The following PPP6C variants were observed in gnomAD, a reference collection of about 807,000 sequenced individuals.
PPP6C encodes the protein protein phosphatase 6 catalytic subunit.
In PPP6C, 11 loss-of-function variants were observed where a neutral mutation model predicts 39.8. That is an observed-to-expected ratio of 0.28 (90% CI 0.17 to 0.46). The LOEUF is 0.46. Among genes scored for constraint, PPP6C ranks in the 20% least tolerant of loss-of-function variants. The pLI is 1.00. For synonymous variants in PPP6C, 129 were observed against 130.3 expected (o/e 0.99, Z 0.07); for missense variants, 211 against 373.9 (o/e 0.56, Z 3.59).
intron 2 of PPP6C, among the ~76,000 whole-genome samples, chr9:125,164,782 A>C (rs1828976943): frequency 6.6e-6 from 1 of 152,084 alleles, no homozygotes; most frequent in African/African-American, 2.4e-5. Context: ...TCTGTCACCC[A>C]GACTGGAGTG....
chr9:125,165,004 T>C (rs544494490), intron 2 of PPP6C, among the ~76,000 whole-genome samples: 7 of 152,286 alleles, frequency 4.6e-5, no homozygotes, highest in African/African-American at 1.2e-4. Context: ...CCCACAGTGC[T>C]GGGATTACAG....
At chr9:125,170,135 C>G (rs1829113675) in intron 2 of PPP6C, among the ~76,000 whole-genome samples, 1 of 152,104 alleles carries the variant, frequency 6.6e-6, no homozygotes, top group Non-Finnish European at 1.5e-5. Context: ...GTAATCTGTT[C>G]AGCTTTCATT....
chr9:125,169,354 A>G (rs1829092327), intron 2 of PPP6C, among the ~76,000 whole-genome samples: 3 of 152,246 alleles, frequency 2.0e-5, no homozygotes, highest in African/African-American at 7.2e-5. Flanking sequence ...ATTTGACTGA[A>G]GGTATATATA....
chr9:125,171,091 A>G lies in PPP6C; in HGVS notation c.165T>C (p.His55=). ...TCTGCTCATGAAATTTTACCTGTCC[A>G]TGGATATCTCCACACACTGTTACTG... ...STPVTVCGDI[H]GQFYDLCELF... The change falls in exon 2 of 7, where the codon CAT becomes CAC. Residue 55 remains histidine (H), a synonymous_variant. Transcript: ENST00000373547. The G allele has an allele frequency of 1.3e-6, 2 of 1,577,608 alleles. No homozygotes were observed. Among genetic ancestry groups the G allele is most frequent in the Non-Finnish European group, 1.7e-6 (2 of 1,156,230 alleles).
At chr9:125,171,470 CACACACACATATATATATATATAT>C (rs1399415009) in intron 1 of PPP6C, among the ~76,000 whole-genome samples, 1 of 24,700 alleles carries the variant, frequency 4.0e-5, no homozygotes. Context: ...TACACACACA[CACACACACATATATATATATATAT>C]ATATATATAT....
At position 125,160,867 on chromosome 9, in the gene PPP6C, C is replaced by T; in HGVS notation, c.211G>A (p.Val71Ile). 1 of 1,594,578 alleles carries T rather than the reference C, an allele frequency of 6.3e-7. No individual in the cohort carries two copies. ...LCELFRTGGQVPDTNYIFMGD... is the reference protein window; with the variant it reads ...LCELFRTGGQIPDTNYIFMGD... Reference sequence around the variant, plus strand: ...ATAAATATGTAGTTTGTGTCAGGAACCTGACCTCCAGTTCTGAACAGTTCA... The same window carrying T: ...ATAAATATGTAGTTTGTGTCAGGAATCTGACCTCCAGTTCTGAACAGTTCA... Residue 71 changes from valine to isoleucine, a missense_variant, in exon 3 of 7, where the codon GTT becomes ATT. This residue lies in a region of PPP6C where 168 missense variants were observed against 342.6 expected (regional missense o/e 0.49). Coordinates refer to ENST00000373547, the MANE Select transcript of PPP6C (RefSeq NM_002721.5).
intron 1 of PPP6C, among the ~76,000 whole-genome samples, chr9:125,174,178 TAAC>T (rs1445603355): frequency 6.6e-6 from 1 of 152,074 alleles, no homozygotes; most frequent in Non-Finnish European, 1.5e-5. Context: ...GAAATTAAAC[TAAC>T]AAGCATAATG....
chr9:125,151,172 G>A (rs1026510125), intron 6 of PPP6C: 3 of 1,483,864 alleles, frequency 2.0e-6, no homozygotes, highest in Non-Finnish European at 2.8e-6. Flanking sequence ...GGAGCTAAGA[G>A]AGTGACCTCC....
At chr9:125,188,961 G>T (rs1033150818) in intron 1 of PPP6C, 1 of 1,544,312 alleles carries the variant, frequency 6.5e-7, no homozygotes, top group Non-Finnish European at 8.8e-7. Context: ...AGTTAAGAAG[G>T]GGTTAAGGAG....
chr9:125,158,286 C>G lies in PPP6C; in HGVS notation c.334G>C (p.Gly112Arg). Residue 112 changes from glycine to arginine, a missense_variant, in exon 4 of 7, where the codon GGA becomes CGA. By Grantham distance (125) the Gly-to-Arg change is moderately radical (BLOSUM62 -2). Around this residue, in one of 2 missense-constraint regions of PPP6C, gnomAD observed 168 missense variants for 342.6 expected, o/e 0.49. Coordinates refer to ENST00000373547, the MANE Select transcript of PPP6C (RefSeq NM_002721.5). ...GTTATCTGTCTACTCTCATGATTTC[C>G]TCGCAAAAGTGTAATACGATCAGGC... is the stretch of plus-strand genomic sequence containing the variant. ...KWPDRITLLR[G>R]NHESRQITQV... 6.2e-7 allele frequency: 1 copy of G among 1,611,632 alleles called. No homozygotes were observed. The highest frequency in any genetic ancestry group is 8.5e-7 in the Non-Finnish European group (1 of 1,177,820).
intron 6 of PPP6C, 132 bp from the exon 7 acceptor site, chr9:125,150,053 T>C: frequency 8.3e-7 from 1 of 1,206,076 alleles, no homozygotes; most frequent in Non-Finnish European, 1.1e-6. Flanking sequence ...TATAATTATC[T>C]CCAACAATTT....
In PPP6C at chr9:125,171,946, A is replaced by G. The variant is rs759240035; in HGVS notation, c.76-766T>C. ...CAACTGTAGTCTTGGCAATAAAAACATGTTCAAAATCTGTATATAAATACT... is the reference window on the plus strand; with the variant it reads ...CAACTGTAGTCTTGGCAATAAAAACGTGTTCAAAATCTGTATATAAATACT... On this transcript the variant is annotated intron_variant, in intron 1 of 6. Transcript: ENST00000373547. The G allele has an allele frequency of 4.1e-5, 19 of 467,488 alleles. 2 individuals are homozygous for G. Among genetic ancestry groups the G allele is most frequent in the South Asian group, 2.2e-4 (14 of 64,496 alleles). The allele number at this position is 467,488 out of a possible 1,614,324, so 29.0% of individuals were successfully genotyped here.
intron 1 of PPP6C, among the ~76,000 whole-genome samples, chr9:125,172,972 T>C (rs1157128827): frequency 6.6e-6 from 1 of 152,122 alleles, no homozygotes; most frequent in Non-Finnish European, 1.5e-5. Flanking sequence ...AATTATAAAA[T>C]TCAAATCTAA....
In PPP6C at chr9:125,166,255, T is replaced by C. The variant is rs1484341125; in HGVS notation, c.171+4830A>G. ...CTCATTTCATCTCAGGAAAGTCTTT[T>C]AAGTGTCGGAAACTGTTAGCCCCAT... On this transcript the variant is annotated intron_variant, in intron 2 of 6. Coordinates refer to ENST00000373547, the MANE Select transcript of PPP6C (RefSeq NM_002721.5). Among the ~76,000 whole-genome samples the C allele has an allele frequency of 5.3e-5, 8 of 152,350 alleles. No individual in the cohort carries two copies. In the East Asian group the frequency reaches 1.3e-3, roughly 26 times the overall value.
At chr9:125,183,312 T>C (rs769909664) in intron 1 of PPP6C, among the ~76,000 whole-genome samples, 2 of 152,160 alleles carry the variant, frequency 1.3e-5, no homozygotes, top group East Asian at 1.9e-4. Context: ...AAGCCTACTG[T>C]CATTCTCCTT....
chr9:125,167,987 T>C (rs1829063444), intron 2 of PPP6C, among the ~76,000 whole-genome samples: 3 of 152,130 alleles, frequency 2.0e-5, no homozygotes, highest in Admixed American at 6.5e-5. Flanking sequence ...TCTAAAGGAT[T>C]GAGAGTTAAG....
At chr9:125,150,011 T>A in intron 6 of PPP6C, 90 bp from the exon 7 acceptor site, 3 of 1,432,498 alleles carry the variant, frequency 2.1e-6, no homozygotes, top group Non-Finnish European at 2.8e-6. Flanking sequence ...ATCCTATTAC[T>A]ACTAAAGGCA....
rs1375534505 is a variant in PPP6C, at chr9:125,148,945, C to T, written c.*728G>A. The T allele has an allele frequency of 6.6e-6, 1 of 152,056 alleles. No individual in the cohort carries two copies. The highest frequency in any genetic ancestry group is 1.5e-5 in the Non-Finnish European group (1 of 68,000). The allele number at this position is 152,056 out of a possible 1,614,324, so 9.4% of individuals were successfully genotyped here. A position where few individuals can be genotyped will look rare whatever the true frequency, so the allele number is the denominator to read the frequency against. On this transcript the variant is annotated 3_prime_UTR_variant, in exon 7 of 7. Transcript: ENST00000373547. The stretch of plus-strand genomic sequence containing the variant: ...CTGATTAGGAAAAAAGAAAAGATAA[C>T]TTTACGCTAACAATGTAAGCTGTTT...
At position 125,161,725 on chromosome 9, in the gene PPP6C, A is replaced by T. The variant is rs1048597437; in HGVS notation, c.172-819T>A. ...GCTGGGATTACAAGTGTGATCCATG[A>T]CACCCAAGGATATTTCATCATATTT... On this transcript the variant is annotated intron_variant, in intron 2 of 6. Transcript: ENST00000373547. 7.6e-4 allele frequency among the ~76,000 whole-genome samples: 115 copies of T among 152,312 alleles called. 1 individual carries two copies. The highest frequency in any genetic ancestry group is 2.6e-3 in the African/African-American group (108 of 41,578).
Sources: allele counts gnomAD v4.1 joint callset (sites outside exome capture counted in the v4.1 genomes callset), GRCh38; gene constraint gnomAD v4.1.1; regional missense constraint gnomAD v4.1.1; transcripts MANE v1.5; gene names NCBI Gene and HGNC (gene_info 2026-07-23, HGNC 2026-07-21).